PCDHA5: variants seen among roughly 807,000 people sequenced by gnomAD.
PCDHA5 encodes the protein protocadherin alpha 5, also known as protocadherin alpha-5.
A neutral mutation model predicts 61.6 loss-of-function variants in PCDHA5; 43 were observed. That is an observed-to-expected ratio of 0.70 (90% CI 0.55 to 0.90). The LOEUF (loss-of-function observed/expected upper bound fraction) is 0.90. Ranked by LOEUF, PCDHA5 falls within the 40% of genes least tolerant of loss-of-function variation. The pLI is 0.00. For missense variants in PCDHA5, 1,298 were observed against 1,222.7 expected, an observed-to-expected ratio of 1.06 and a Z score of -0.92; for synonymous variants, 627 against 543.9, an observed-to-expected ratio of 1.15 and a Z score of -2.13.
At chr5:140,874,328 T>G (rs937817026) in intron 1 of PCDHA5, among the ~76,000 whole-genome samples, 1 of 144,806 alleles carries the variant, frequency 6.9e-6, no homozygotes, top group African/African-American at 2.9e-5. Flanking sequence ...TCTTATCTGT[T>G]TTTTTCTCTT....
rs1554135389 is a variant in PCDHA5 at position 140,835,887 on chromosome 5, C to T, written c.2352+11760C>T. The T allele has an allele frequency of 3.7e-6, 6 of 1,611,898 alleles. No homozygotes were observed. In the East Asian group the frequency reaches 1.1e-4, roughly 30 times the overall value. ...GCTGGTGGAGCTGCGGGTGGGCGAG[C>T]GCGCGCTGTCGAGCTACGTGTCAGT... is the stretch of plus-strand genomic sequence containing the variant. On this transcript the variant is annotated intron_variant, in intron 1 of 3. Transcript: ENST00000529859.
chr5:140,932,469 A>T (rs1356318037), intron 1 of PCDHA5, among the ~76,000 whole-genome samples: 12 of 152,030 alleles, frequency 7.9e-5, no homozygotes, highest in African/African-American at 2.4e-4. Context: ...TATATAGGAA[A>T]TAGGATATCT....
intron 1 of PCDHA5, chr5:140,868,884 T>G (rs2050712940): frequency 1.4e-6 from 1 of 728,466 alleles, no homozygotes; most frequent in South Asian, 2.1e-5. Context: ...ACTCACAGTT[T>G]TAGGCGCAAG....
intron 1 of PCDHA5, among the ~76,000 whole-genome samples, chr5:140,902,760 T>G (rs887357298): frequency 1.4e-4 from 22 of 152,038 alleles, no homozygotes; most frequent in African/African-American, 5.3e-4. Context: ...ATCATTCTTA[T>G]GTCTTTGCAT....
chr5:140,980,699 A>G (rs1183109723), intron 2 of PCDHA5, among the ~76,000 whole-genome samples: 1 of 152,186 alleles, frequency 6.6e-6, no homozygotes, highest in African/African-American at 2.4e-5. Flanking sequence ...AAAAAAGCCA[A>G]ATGTGCTCCT....
intron 3 of PCDHA5, among the ~76,000 whole-genome samples, chr5:140,999,367 C>T (rs1229497053): frequency 4.6e-5 from 7 of 152,100 alleles, no homozygotes; most frequent in African/African-American, 1.7e-4. Flanking sequence ...TTCACAATCC[C>T]ATTAGATGGT....
chr5:140,929,437 A>G (rs533186503), intron 1 of PCDHA5: 1 of 1,453,986 alleles, frequency 6.9e-7, no homozygotes, highest in Non-Finnish European at 9.2e-7. Context: ...TGAACTAAAC[A>G]CTCCTTCTTA....
rs2150457668 is a variant in PCDHA5 at position 140,849,921 on chromosome 5, A to T, written c.2352+25794A>T. The T allele has an allele frequency of 1.2e-5, 19 of 1,598,094 alleles. 1 individual carries two copies. Among genetic ancestry groups the T allele is most frequent in the Non-Finnish European group, 1.5e-5 (17 of 1,167,772 alleles). Reference sequence around the variant, plus strand: ...CAACCCGCCGGGCTGCCACATCTTCACGGTGTCTGCGCGGGACGCTGACGC... The same window carrying T: ...CAACCCGCCGGGCTGCCACATCTTCTCGGTGTCTGCGCGGGACGCTGACGC... On this transcript the variant is annotated intron_variant, in intron 1 of 3. Transcript: ENST00000529859.
chr5:140,876,867 G>A, intron 1 of PCDHA5: 1 of 1,614,152 alleles, frequency 6.2e-7, no homozygotes, highest in Non-Finnish European at 8.5e-7. Context: ...TGTTCGTGAA[G>A]GAGAACAACC....
intron 1 of PCDHA5, chr5:140,834,400 G>A: frequency 1.2e-6 from 2 of 1,605,520 alleles, no homozygotes; most frequent in Non-Finnish European, 8.5e-7. Flanking sequence ...TGCCCGAATG[G>A]ATACGACCCA....
At chr5:140,925,955 G>T (rs1350124934) in intron 1 of PCDHA5, among the ~76,000 whole-genome samples, 1 of 152,076 alleles carries the variant, frequency 6.6e-6, no homozygotes. Context: ...AGGAGAAACT[G>T]CTATCACGCA....
At chr5:140,923,638 C>G (rs1375136191) in intron 1 of PCDHA5, among the ~76,000 whole-genome samples, 1 of 152,176 alleles carries the variant, frequency 6.6e-6, no homozygotes, top group African/African-American at 2.4e-5. Flanking sequence ...AGGCAAAAAT[C>G]TTTAGCCTCC....
chr5:140,929,325 G>A (rs782073530), intron 1 of PCDHA5: 4 of 1,538,392 alleles, frequency 2.6e-6, no homozygotes, highest in Non-Finnish European at 3.5e-6. Flanking sequence ...TCAATGCCAT[G>A]GTAAGCAAAT....
At chr5:140,836,549 G>T (rs2150263747) in intron 1 of PCDHA5, 2 of 1,613,770 alleles carry the variant, frequency 1.2e-6, no homozygotes, top group South Asian at 2.2e-5. Context: ...CGGCGTTGCG[G>T]TGCTCAGCGC....
chr5:141,003,981 C>T (rs1485203944), intron 3 of PCDHA5, among the ~76,000 whole-genome samples: 9 of 152,072 alleles, frequency 5.9e-5, no homozygotes, highest in Admixed American at 2.6e-4. Flanking sequence ...GGGGACTTGC[C>T]GGAGATCCTA....
At chr5:140,954,149 G>A (rs1301810560) in intron 1 of PCDHA5, among the ~76,000 whole-genome samples, 2 of 152,204 alleles carry the variant, frequency 1.3e-5, no homozygotes, top group Non-Finnish European at 2.9e-5. Flanking sequence ...ATTCCATGGT[G>A]TATATGTACC....
In PCDHA5 at chr5:140,855,086, A is replaced by G. The variant is rs998686310; in HGVS notation, c.2352+30959A>G. ...CTTAAATACAGAAACCACCACTCTCAGCCTGTGCAGTAGCAATAATTAAGG... is the reference window on the plus strand; with the variant it reads ...CTTAAATACAGAAACCACCACTCTCGGCCTGTGCAGTAGCAATAATTAAGG... On this transcript the variant is annotated intron_variant, in intron 1 of 3. Transcript: ENST00000529859. Among the ~76,000 whole-genome samples the G allele has an allele frequency of 3.5e-4, 52 of 150,018 alleles. 3 individuals are homozygous for G. Among genetic ancestry groups the G allele is most frequent in the African/African-American group, 1.2e-3 (49 of 41,006 alleles).
chr5:140,999,056 C>T (rs1256829495), intron 3 of PCDHA5, among the ~76,000 whole-genome samples: 4 of 152,212 alleles, frequency 2.6e-5, no homozygotes, highest in Non-Finnish European at 5.9e-5. Context: ...TCCACCATGC[C>T]TAAGTAGTCT....
At position 140,823,565 on chromosome 5, in the gene PCDHA5, A is replaced by G; in HGVS notation, c.1790A>G (p.Asp597Gly). The G allele has an allele frequency of 6.2e-7, 1 of 1,613,806 alleles. No individual in the cohort carries two copies. Among genetic ancestry groups the G allele is most frequent in the Non-Finnish European group, 8.5e-7 (1 of 1,179,878 alleles). ...GHVVAKVRAV[D>G]PDSGYNAWLS... ...GTGGTGGCGAAGGTGCGCGCAGTGG[A>G]CCCTGATTCGGGCTACAACGCTTGG... Residue 597 changes from aspartate (D) to glycine (G), a missense_variant, in exon 1 of 4, where the codon GAC becomes GGC. Transcript: ENST00000529859.
Sources: gnomAD v4.1 joint callset for allele counts (sites outside exome capture counted in the v4.1 genomes callset) on GRCh38, gnomAD v4.1.1 for gene constraint, MANE v1.5 for transcripts, NCBI Gene and HGNC (gene_info 2026-07-23, HGNC 2026-07-21) for gene names.